PRDM4: variants seen among roughly 807,000 people sequenced by gnomAD.
The protein encoded by PRDM4 is PR domain zinc finger protein 4.
PRDM4 carries 38 observed loss-of-function variants against 62.3 expected under a neutral mutation model. That is an observed-to-expected ratio of 0.61 (90% CI 0.47 to 0.80). PRDM4 has a LOEUF of 0.80. Ranked by LOEUF, PRDM4 falls within the 30% of genes least tolerant of loss-of-function variation. The probability of loss-of-function intolerance (pLI) is 0.00; values close to 1 mark genes in which losing one functional copy is unlikely to be tolerated. For missense variants in PRDM4, 858 were observed against 997.1 expected (o/e 0.86, Z 1.88); for synonymous variants, 339 against 348.2 (o/e 0.97, Z 0.30).
At chr12:107,750,249 T>C (rs1171530331) in intron 5 of PRDM4, among the ~76,000 whole-genome samples, 3 of 152,122 alleles carry the variant, frequency 2.0e-5, no homozygotes, top group Non-Finnish European at 4.4e-5. Flanking sequence ...GGCTGCCACA[T>C]AGTAAGCACT....
chr12:107,739,475 G>A lies in PRDM4; in HGVS notation c.2001C>T (p.Ile667=), dbSNP rs766973355. 1 of 1,613,930 alleles carries A rather than the reference G, an allele frequency of 6.2e-7. No homozygotes were observed. The highest frequency in any genetic ancestry group is 2.2e-5 in the East Asian group (1 of 44,878). Residue 667 remains isoleucine, a synonymous_variant, in exon 11 of 12, where the codon ATC becomes ATT. Coordinates refer to ENST00000228437, the MANE Select transcript of PRDM4 (RefSeq NM_012406.4). The stretch of plus-strand genomic sequence containing the variant: ...ACTTAAGATTCTTCTCCCCAGTGTG[G>A]ATAACCATGTGGGACTCCAGGTGAG... ...QKAHLESHMV[I]HTGEKNLKCD... is the part of the protein sequence containing the mutation.
In PRDM4 at chr12:107,743,579, T is replaced by C. The variant is rs76468463; in HGVS notation, c.1396-297A>G. Among the ~76,000 whole-genome samples, 51 of 152,350 alleles carry C rather than the reference T, an allele frequency of 3.3e-4. No individual in the cohort carries two copies. In the East Asian group the frequency reaches 8.1e-3, roughly 24 times the overall value. On this transcript the variant is annotated intron_variant, in intron 7 of 11. Transcript: ENST00000228437. Reference sequence around the variant, plus strand: ...AAAAACCAGTCTACCTGTCCACCTGTCTTCATCACCTATCACACAGTAGGC... The same window carrying C: ...AAAAACCAGTCTACCTGTCCACCTGCCTTCATCACCTATCACACAGTAGGC...
chr12:107,736,737 A>T (rs1020973171), intron 11 of PRDM4: 2 of 152,350 alleles, frequency 1.3e-5, no homozygotes, highest in African/African-American at 4.8e-5. Flanking sequence ...GAGGAGAAAC[A>T]GCAAGTAGTG....
At chr12:107,744,233 A>C (rs770449554) in intron 7 of PRDM4, among the ~76,000 whole-genome samples, 2 of 152,244 alleles carry the variant, frequency 1.3e-5, no homozygotes, top group African/African-American at 4.8e-5. Flanking sequence ...TCATACAAAC[A>C]AAGTCTGTGG....
At chr12:107,735,274 A>C (rs1411292590) in intron 11 of PRDM4, among the ~76,000 whole-genome samples, 1 of 152,238 alleles carries the variant, frequency 6.6e-6, no homozygotes, top group Non-Finnish European at 1.5e-5. Context: ...TCAACTTTAC[A>C]AGATAATGAC....
Position 107,744,545 on chromosome 12 carries a change from T to C in PRDM4, c.1393A>G (p.Lys465Glu). 1 of 1,613,016 alleles carries C rather than the reference T, an allele frequency of 6.2e-7. No individual in the cohort carries two copies. The highest frequency in any genetic ancestry group is 8.5e-7 in the Non-Finnish European group (1 of 1,179,148). The change falls in exon 7 of 12, where the codon AAG becomes GAG. Residue 465 changes from lysine to glutamate, a missense_variant and splice_region_variant. Transcript: ENST00000228437. ...AGAAAAGTTTCATCAGGACTGACCT[T>C]CCAGATATGGTTAACTGCCTTGTCT... ...WTDKAVNHIW[K>E]IYHNGVLEFC...
chr12:107,748,625 A>G (rs1890797618), intron 5 of PRDM4, among the ~76,000 whole-genome samples: 1 of 152,232 alleles, frequency 6.6e-6, no homozygotes, highest in Admixed American at 6.5e-5. Flanking sequence ...TATCTGGAAA[A>G]GGCAAATCCA....
At chr12:107,743,864 C>A (rs1235152514) in intron 7 of PRDM4, among the ~76,000 whole-genome samples, 1 of 152,136 alleles carries the variant, frequency 6.6e-6, no homozygotes, top group Non-Finnish European at 1.5e-5. Context: ...CCTGTAATCC[C>A]GGCACTTTGG....
chr12:107,744,629 TCC>T lies in PRDM4; in HGVS notation c.1307_1308del (p.Arg436HisfsTer25). 6.2e-7 allele frequency: 1 copy of T among 1,613,858 alleles called. No individual in the cohort carries two copies. Among genetic ancestry groups the T allele is most frequent in the Non-Finnish European group, 8.5e-7 (1 of 1,179,764 alleles). On this transcript the variant is annotated frameshift_variant, in exon 7 of 12. Coordinates refer to ENST00000228437, the MANE Select transcript of PRDM4 (RefSeq NM_012406.4). LOFTEE classifies it high-confidence loss of function. ...TGGCCAATTAGAGGTCCAAAGCAAG[TCC>T]GCACAGGAATGGTTTCTCCAGTCCA... is the stretch of plus-strand genomic sequence containing the variant. ...GVWTGETIPV[R>X]TCFGPLIGQQ...
At chr12:107,745,653 T>A (rs987257224) in intron 6 of PRDM4, among the ~76,000 whole-genome samples, 1 of 152,204 alleles carries the variant, frequency 6.6e-6, no homozygotes, top group African/African-American at 2.4e-5. Flanking sequence ...ACTATAGAAA[T>A]AAATCAGACT....
Position 107,734,412 on chromosome 12 carries a change from C to T in PRDM4, c.2204G>A (p.Cys735Tyr), listed in dbSNP as rs1487719179. The T allele has an allele frequency of 6.2e-7, 1 of 1,614,170 alleles. No homozygotes were observed. Among genetic ancestry groups the T allele is most frequent in the South Asian group, 1.1e-5 (1 of 91,082 alleles). Residue 735 changes from cysteine (C) to tyrosine (Y), a missense_variant, in exon 12 of 12, where the codon TGT (cysteine) becomes TAT (tyrosine). Physicochemically the swap from Cys to Tyr is radical, Grantham distance 194. Transcript: ENST00000228437. ...GTATTTGGTTAGATAAGCCTTTGTACATTTTTCACAGACATAATCCCGTTT... is the reference window on the plus strand; with the variant it reads ...GTATTTGGTTAGATAAGCCTTTGTATATTTTTCACAGACATAATCCCGTTT... Reference protein sequence around the residue: ...EGKRDYVCEKCTKAYLTKYHL... With the variant: ...EGKRDYVCEKYTKAYLTKYHL...
intron 5 of PRDM4, among the ~76,000 whole-genome samples, chr12:107,748,630 A>C (rs922505029): frequency 6.6e-6 from 1 of 152,248 alleles, no homozygotes; most frequent in Non-Finnish European, 1.5e-5. Context: ...GGAAAAGGCA[A>C]ATCCATAGAG....
chr12:107,735,760 CTT>C (rs200366774), intron 11 of PRDM4, among the ~76,000 whole-genome samples: 16 of 143,422 alleles, frequency 1.1e-4, no homozygotes, highest in Admixed American at 1.4e-4. Flanking sequence ...AATTTTTTAG[CTT>C]TTTTTTTTTT....
Position 107,742,488 on chromosome 12 carries a change from C to A in PRDM4, c.1482-140G>T, listed in dbSNP as rs1431511659. On this transcript the variant is annotated intron_variant, in intron 8 of 11. Transcript: ENST00000228437. ...CCTCTGGAATGTTTTTGTAATTTCC[C>A]GTCCTATCTATGAGAAGGCAGTTGT... The A allele has an allele frequency of 6.1e-6, 6 of 986,464 alleles. No homozygotes were observed. The African/African-American group carries it at 6.6e-5, about 11-fold the overall frequency. 61.1% of individuals were successfully genotyped at this position (986,464 alleles called of 1,614,324 possible).
At chr12:107,747,694 ACAGTATTTAT>A (rs2136322140) in intron 5 of PRDM4, among the ~76,000 whole-genome samples, 1 of 152,306 alleles carries the variant, frequency 6.6e-6, no homozygotes, top group East Asian at 1.9e-4. Context: ...CTGCTAAGGA[ACAGTATTTAT>A]GATACTATTA....
chr12:107,760,835 T>A (rs1307112418), intron 1 of PRDM4, 64 bp from the exon 2 acceptor site: 9 of 238,570 alleles, frequency 3.8e-5, no homozygotes, highest in Admixed American at 1.8e-4. Flanking sequence ...CCATCCCAGC[T>A]ACCCGAAAGC....
intron 11 of PRDM4, chr12:107,736,647 C>T (rs933689855): frequency 2.0e-5 from 3 of 152,250 alleles, no homozygotes; most frequent in Non-Finnish European, 4.4e-5. Flanking sequence ...CACAATCTGA[C>T]TTATATTTGA....
intron 3 of PRDM4, among the ~76,000 whole-genome samples, chr12:107,756,224 C>A (rs989983041): frequency 6.6e-6 from 1 of 152,104 alleles, no homozygotes; most frequent in African/African-American, 2.4e-5. Flanking sequence ...CGTGCCCCTG[C>A]ACTCCAGCCT....
chr12:107,748,557 G>T (rs532172089), intron 5 of PRDM4, among the ~76,000 whole-genome samples: 1 of 152,178 alleles, frequency 6.6e-6, no homozygotes, highest in African/African-American at 2.4e-5. Context: ...AGTATTATGC[G>T]AAGAGAAAGA....
Sources: allele counts gnomAD v4.1 joint callset (sites outside exome capture counted in the v4.1 genomes callset), GRCh38; gene constraint gnomAD v4.1.1; transcripts MANE v1.5; gene names NCBI Gene and HGNC (gene_info 2026-07-23, HGNC 2026-07-21).